PLA2G4C: variants seen among roughly 807,000 people sequenced by gnomAD.
The protein encoded by PLA2G4C is cytosolic phospholipase A2 gamma.
A neutral mutation model predicts 73.8 loss-of-function variants in PLA2G4C; 64 were observed. That is an observed-to-expected ratio of 0.87 (90% confidence interval 0.71 to 1.07). The LOEUF is 1.07. PLA2G4C is among the 50% of genes least tolerant of loss of function. The probability of loss-of-function intolerance (pLI) is 0.00; values close to 1 mark genes in which losing one functional copy is unlikely to be tolerated. For missense variants in PLA2G4C, 622 were observed against 665.4 expected (o/e 0.93, Z 0.72); for synonymous variants, 254 against 252.1 (o/e 1.01, Z -0.07).
intron 2 of PLA2G4C, among the ~76,000 whole-genome samples, chr19:48,105,924 TCCCTCCCTCCC>T (rs2032190756): frequency 1.4e-4 from 3 of 22,210 alleles, no homozygotes; most frequent in Non-Finnish European, 2.2e-4. Context: ...CCTCCCTCCC[TCCCTCCCTCCC>T]TCCCTCCCTC....
At chr19:48,066,044 G>A (rs11564626) in intron 13 of PLA2G4C, among the ~76,000 whole-genome samples, 1,998 of 150,438 alleles carry the variant, frequency 0.013, 30 homozygotes, top group Middle Eastern at 0.027. Flanking sequence ...CTGAGATCGC[G>A]CCATTGCACT....
At position 48,072,753 on chromosome 19, in the gene PLA2G4C, G is replaced by A. The variant is rs929709296; in HGVS notation, c.1006+2014C>T. 6.6e-6 allele frequency: 1 copy of A among 152,182 alleles called. No homozygotes were observed. The highest frequency in any genetic ancestry group is 1.5e-5 in the Non-Finnish European group (1 of 68,034). The allele number at this position is 152,182 out of a possible 1,614,324, so 9.4% of individuals were successfully genotyped here. On this transcript the variant is annotated intron_variant, in intron 12 of 16. Transcript: ENST00000599921. This position sits in a 1 kb window ranked among gnomAD's most constrained non-coding sequence, Gnocchi z 4.4. Reference sequence around the variant, plus strand: ...AATTTATGTAACATGAATAAAAGGAGGAGGAAGGGAAATCTAGAGTCTGAA... The same window carrying A: ...AATTTATGTAACATGAATAAAAGGAAGAGGAAGGGAAATCTAGAGTCTGAA...
At chr19:48,054,806 G>T in intron 15 of PLA2G4C, 72 bp downstream of exon 15, 1 of 1,351,812 alleles carries the variant, frequency 7.4e-7, no homozygotes, top group Non-Finnish European at 1.1e-6. Context: ...CCAGTCTCAG[G>T]TATGTTTTTA....
chr19:48,070,948 C>T (rs1224985282), intron 12 of PLA2G4C, among the ~76,000 whole-genome samples: 1 of 152,034 alleles, frequency 6.6e-6, no homozygotes, highest in East Asian at 1.9e-4. Flanking sequence ...TGTTGGCCTG[C>T]CCCATGGATT....
At chr19:48,050,932 C>G (rs1967703250) in intron 16 of PLA2G4C, among the ~76,000 whole-genome samples, 1 of 152,060 alleles carries the variant, frequency 6.6e-6, no homozygotes, top group Non-Finnish European at 1.5e-5. Flanking sequence ...GCCTTAGCCT[C>G]CCAAAGTGCT....
rs557427387 is a variant in PLA2G4C at position 48,050,460 on chromosome 19, G to A, written c.1581-2072C>T. 1.5e-4 allele frequency among the ~76,000 whole-genome samples: 23 copies of A among 152,100 alleles called. No homozygotes were observed. The East Asian group carries it at 1.9e-3, about 13-fold the overall frequency. ...TAATTATCTCACCTAGGGACCAACCGCACAGGAGCTAGGGTGGGCCTTTGA... is the reference window on the plus strand; with the variant it reads ...TAATTATCTCACCTAGGGACCAACCACACAGGAGCTAGGGTGGGCCTTTGA... On this transcript the variant is annotated intron_variant, in intron 16 of 16. Coordinates refer to ENST00000599921, the MANE Select transcript of PLA2G4C (RefSeq NM_003706.3).
intron 16 of PLA2G4C, among the ~76,000 whole-genome samples, chr19:48,049,743 G>A (rs989216941): frequency 6.6e-5 from 10 of 152,178 alleles, no homozygotes; most frequent in Non-Finnish European, 1.2e-4. Flanking sequence ...GAGTTCTACA[G>A]GTGAGAAGGT....
intron 12 of PLA2G4C, among the ~76,000 whole-genome samples, chr19:48,074,166 G>T (rs967523107): frequency 6.6e-6 from 1 of 151,754 alleles, no homozygotes; most frequent in Non-Finnish European, 1.5e-5. Flanking sequence ...CCCAGTGTGT[G>T]TTGTTCCCCT....
intron 9 of PLA2G4C, 72 bp downstream of exon 9, chr19:48,088,614 A>T (rs1600225914): frequency 9.8e-7 from 1 of 1,019,794 alleles, no homozygotes; most frequent in Non-Finnish European, 1.6e-6. Context: ...TGTTCCTAGG[A>T]CAATGGCTGG....
chr19:48,070,617 A>G (rs558878587), intron 12 of PLA2G4C, among the ~76,000 whole-genome samples: 1 of 152,350 alleles, frequency 6.6e-6, no homozygotes, highest in South Asian at 2.1e-4. Context: ...GCTGGAAGCC[A>G]TTATCCTCAG....
chr19:48,048,366 C>A lies in PLA2G4C; in HGVS notation c.1603G>T (p.Ala535Ser), dbSNP rs1372420855. 3 of 1,596,534 alleles carry A rather than the reference C, an allele frequency of 1.9e-6. No individual in the cohort carries two copies. The highest frequency in any genetic ancestry group is 1.4e-5 in the African/African-American group (1 of 73,908). ...VAGLYYPKDS[A>S]RSCCLA ...ATCTATGCCAAGCAGCAACTTCGGG[C>A]ACTATCCTTCGGGTAGTAGAGCCTG... Residue 535 changes from alanine to serine, a missense_variant, in exon 17 of 17, where the codon GCC becomes TCC. Coordinates refer to ENST00000599921, the MANE Select transcript of PLA2G4C (RefSeq NM_003706.3).
intron 10 of PLA2G4C, among the ~76,000 whole-genome samples, chr19:48,083,392 C>CTTTTTTTTTTTTTTTGTTTGTTTTTTTTT: frequency 9.4e-6 from 1 of 105,836 alleles, no homozygotes; most frequent in Non-Finnish European, 1.9e-5. Context: ...ATTTTCTTTT[C>CTTTTTTTTTTTTTTTGTTTGTTTTTTTTT]TTTTTTTTTT....
At chr19:48,069,752 G>A (rs1968586921) in intron 12 of PLA2G4C, among the ~76,000 whole-genome samples, 1 of 152,048 alleles carries the variant, frequency 6.6e-6, no homozygotes, top group Non-Finnish European at 1.5e-5. Flanking sequence ...GTGTGACCCT[G>A]AGCAAGTTAC....
At chr19:48,110,388 A>T in intron 1 of PLA2G4C, 99 bp downstream of exon 1, 1 of 718,590 alleles carries the variant, frequency 1.4e-6, no homozygotes, top group Non-Finnish European at 2.1e-6. Flanking sequence ...AAAATAAAAA[A>T]GAAAAAGAAA....
intron 12 of PLA2G4C, among the ~76,000 whole-genome samples, chr19:48,068,948 C>T (rs1489129992): frequency 6.7e-6 from 1 of 149,744 alleles, no homozygotes; most frequent in Admixed American, 6.7e-5. Flanking sequence ...CAGTGACTCA[C>T]ATCTGTAATT....
At position 48,055,099 on chromosome 19, in the gene PLA2G4C, C is replaced by G. The variant is rs202236489; in HGVS notation, c.1258-50G>C. 1,392 of 1,389,910 alleles carry G rather than the reference C, an allele frequency of 1.0e-3. 20 individuals are homozygous for G. In the African/African-American group the frequency reaches 0.028, roughly 28 times the overall value. The allele number at this position is 1,389,910 out of a possible 1,614,324, so 86.1% of individuals were successfully genotyped here. ...GTTGCAAGACCTCTCCAGAAGACCC[C>G]TCCAGAAGACCCCTGGGGCCTGGAG... On this transcript the variant is annotated intron_variant, in intron 14 of 16. Coordinates refer to ENST00000599921, the MANE Select transcript of PLA2G4C (RefSeq NM_003706.3).
intron 6 of PLA2G4C, among the ~76,000 whole-genome samples, chr19:48,097,333 AC>A (rs2031645067): frequency 7.6e-6 from 1 of 131,588 alleles, no homozygotes; most frequent in African/African-American, 3.0e-5. Flanking sequence ...GCTCACTGCA[AC>A]CTCCGCCTCC....
At chr19:48,071,476 T>A (rs2122535398) in intron 12 of PLA2G4C, among the ~76,000 whole-genome samples, 1 of 152,284 alleles carries the variant, frequency 6.6e-6, no homozygotes, top group Non-Finnish European at 1.5e-5. Flanking sequence ...TTTTGCATTT[T>A]TAGTAGAGAC....
intron 13 of PLA2G4C, 95 bp from the exon 14 acceptor site, chr19:48,062,247 G>A (rs753566787): frequency 1.3e-4 from 146 of 1,116,452 alleles, no homozygotes; most frequent in Admixed American, 3.2e-4. Context: ...GAAAATGATC[G>A]TTGTCAGTGT....
Sources: allele counts gnomAD v4.1 joint callset (sites outside exome capture counted in the v4.1 genomes callset), GRCh38; gene constraint gnomAD v4.1.1; non-coding constraint Gnocchi (gnomAD v3.1); transcripts MANE v1.5; gene names NCBI Gene and HGNC (gene_info 2026-07-23, HGNC 2026-07-21).